The following SNURF variants were observed in gnomAD, a reference collection of about 807,000 sequenced individuals.
The protein encoded by SNURF is SNRPN upstream open reading frame, also known as SNURF protein.
In SNURF, 6 loss-of-function variants were observed where a neutral mutation model predicts 11.6. The observed-to-expected ratio is 0.52, with a 90% CI of 0.28 to 1.02. The LOEUF (loss-of-function observed/expected upper bound fraction) is 1.02, where lower values mean the gene tolerates loss of function less well. Ranked by LOEUF, SNURF falls within the 50% of genes least tolerant of loss-of-function variation. SNURF has a pLI of 0.09. For missense variants in SNURF, 84 were observed against 88.4 expected (o/e 0.95, Z 0.20); for synonymous variants, 29 against 31.6 (o/e 0.92, Z 0.27).
chr15:24,966,546 T>C (rs2075667889), intron 2 of SNURF, among the ~76,000 whole-genome samples: 4 of 152,172 alleles, frequency 2.6e-5, no homozygotes, highest in Admixed American at 6.5e-5. Flanking sequence ...CCCAACCCTT[T>C]AGTCTTTGTT....
At chr15:24,978,254 T>A, downstream of SNURF, 1 of 1,613,954 alleles carries the variant, frequency 6.2e-7, no homozygotes, top group Non-Finnish European at 8.5e-7. Context: ...GGCTTCCCCC[T>A]GCTCGAGGGA....
At chr15:24,960,973 C>G (rs2074705012) in intron 1 of SNURF, among the ~76,000 whole-genome samples, 1 of 151,856 alleles carries the variant, frequency 6.6e-6, no homozygotes, top group African/African-American at 2.4e-5. Flanking sequence ...TTTGGATTTT[C>G]TTTTTGTTTG....
rs1851018984 is a variant in SNURF at position 24,954,988 on chromosome 15, C to G, written c.-61C>G. The G allele has an allele frequency of 1.9e-6, 3 of 1,608,748 alleles. No individual in the cohort carries two copies. In the Admixed American group the frequency reaches 5.0e-5, roughly 27 times the overall value. On this transcript the variant is annotated 5_prime_UTR_variant, in exon 1 of 3. Coordinates refer to ENST00000577949, the Ensembl canonical transcript of SNURF. ...TGCCGCTGCTGCAGCGAGTCTGGCGCAGAGTGGAGCGGCCGCCGGAGATGC... is the reference window on the plus strand; with the variant it reads ...TGCCGCTGCTGCAGCGAGTCTGGCGGAGAGTGGAGCGGCCGCCGGAGATGC...
At chr15:24,973,654 C>G (rs570833083), downstream of SNURF, among the ~76,000 whole-genome samples, 2 of 152,164 alleles carry the variant, frequency 1.3e-5, no homozygotes, top group Non-Finnish European at 2.9e-5. Flanking sequence ...CCTGCCTTGG[C>G]CTCCCCTGGT....
chr15:24,972,298 C>T (rs1425860092), downstream of SNURF, among the ~76,000 whole-genome samples: 1 of 151,106 alleles, frequency 6.6e-6, no homozygotes, highest in Non-Finnish European at 1.5e-5. Flanking sequence ...TCTCATATAC[C>T]ATGTTTTCTT....
intron 1 of SNURF, among the ~76,000 whole-genome samples, chr15:24,958,567 C>G (rs1388173385): frequency 2.2e-5 from 3 of 136,324 alleles, no homozygotes; most frequent in African/African-American, 8.1e-5. Flanking sequence ...ACTCGAACTG[C>G]TAGACTCAAG....
At chr15:24,963,326 C>T (rs578075380) in intron 2 of SNURF, among the ~76,000 whole-genome samples, 32 of 152,138 alleles carry the variant, frequency 2.1e-4, no homozygotes, top group African/African-American at 4.8e-4. Context: ...ACTTTGAAAA[C>T]GCAGTGTAGG....
chr15:24,977,803 C>A, exon 7 of SNURF: 1 of 1,613,008 alleles, frequency 6.2e-7, no homozygotes, highest in Non-Finnish European at 8.5e-7. Context: ...GGAAGAGGCA[C>A]TGTAGCAGCT....
At chr15:24,959,706 T>C (rs2074455703) in intron 1 of SNURF, among the ~76,000 whole-genome samples, 1 of 152,214 alleles carries the variant, frequency 6.6e-6, no homozygotes, top group Non-Finnish European at 1.5e-5. Context: ...GTAGCACTGA[T>C]CAGTACTAAA....
chr15:24,977,132 G>A, intron 6 of SNURF: 1 of 923,970 alleles, frequency 1.1e-6, no homozygotes, highest in Non-Finnish European at 1.6e-6. Context: ...AATGTAAACA[G>A]CATATGGTTT....
At chr15:24,974,732 C>T (rs1386795074) in intron 3 of SNURF, 3 of 606,842 alleles carry the variant, frequency 4.9e-6, no homozygotes, top group Non-Finnish European at 5.8e-6. Flanking sequence ...CGTGCCTCAG[C>T]CTCTTTATTA....
downstream of SNURF, chr15:24,978,504 A>G (rs950043802): frequency 6.7e-7 from 1 of 1,487,812 alleles, no homozygotes; most frequent in African/African-American, 1.4e-5. Flanking sequence ...GAAATTGTGT[A>G]GAGTGTTTGT....
chr15:24,968,709 C>T (rs1174973543), downstream of SNURF: 1 of 152,122 alleles, frequency 6.6e-6, no homozygotes, highest in African/African-American at 2.4e-5. Flanking sequence ...TAAATACTTT[C>T]TCATGCTTAT....
chr15:24,970,041 T>G (rs2076201688), downstream of SNURF, among the ~76,000 whole-genome samples: 1 of 152,080 alleles, frequency 6.6e-6, no homozygotes, highest in East Asian at 1.9e-4. Context: ...AACACCAAAG[T>G]GGGGGCCAGT....
At chr15:24,962,243 T>G (rs1424283475) in intron 2 of SNURF, 34 bp downstream of exon 2, 5 of 1,551,442 alleles carry the variant, frequency 3.2e-6, no homozygotes, top group Non-Finnish European at 4.5e-6. Flanking sequence ...CAAATGCAAG[T>G]CAGAATCTCC....
At chr15:24,974,561 G>C in intron 3 of SNURF, 1 of 1,049,236 alleles carries the variant, frequency 9.5e-7, no homozygotes, top group Non-Finnish European at 1.5e-6. Flanking sequence ...TAGAAATAAG[G>C]ATACATCCAT....
intron 1 of SNURF, among the ~76,000 whole-genome samples, chr15:24,958,151 C>T (rs1053392174): frequency 1.3e-5 from 2 of 152,192 alleles, no homozygotes; most frequent in African/African-American, 4.8e-5. Flanking sequence ...TATAGTTACT[C>T]TGTATCTTTA....
chr15:24,978,415 C>T (rs1327443516), downstream of SNURF: 2 of 1,613,838 alleles, frequency 1.2e-6, no homozygotes, highest in Admixed American at 1.7e-5. Context: ...AGGTCCACCT[C>T]CCCCAGGAAT....
At chr15:24,956,058 C>T (rs2062808954) in intron 1 of SNURF, among the ~76,000 whole-genome samples, 1 of 152,044 alleles carries the variant, frequency 6.6e-6, no homozygotes, top group South Asian at 2.1e-4. Context: ...CCTACACTGC[C>T]GCAGGGGCTG....
Sources: gnomAD v4.1 joint callset for allele counts (sites outside exome capture counted in the v4.1 genomes callset) on GRCh38, gnomAD v4.1.1 for gene constraint, MANE v1.5 for transcripts, NCBI Gene and HGNC (gene_info 2026-07-23, HGNC 2026-07-21) for gene names.